Variants in ZFHX3 observed in about 807,000 individuals in gnomAD.
ZFHX3 encodes zinc finger homeobox 3, also known as zinc finger homeobox protein 3.
In ZFHX3, 42 loss-of-function variants were observed where a neutral mutation model predicts 279.1. The observed-to-expected ratio is 0.15, with a 90% CI of 0.12 to 0.19. The LOEUF is 0.19. Ranked by LOEUF, ZFHX3 falls within the 10% of genes least tolerant of loss-of-function variation. The pLI, the probability that ZFHX3 is intolerant of heterozygous loss-of-function variation, is 1.00. For missense variants in ZFHX3, 4,981 were observed against 4,754.0 expected (o/e 1.05, Z -1.40); for synonymous variants, 2,293 against 1,957.8 (o/e 1.17, Z -4.52).
intron 3 of ZFHX3, among the ~76,000 whole-genome samples, chr16:73,322,621 A>G (rs1242818336): frequency 6.6e-6 from 1 of 152,206 alleles, no homozygotes; most frequent in Non-Finnish European, 1.5e-5. Context: ...GGAGCACAGC[A>G]AACAGAAAAC....
At chr16:73,448,158 A>G (rs943545740) in intron 3 of ZFHX3, among the ~76,000 whole-genome samples, 1 of 152,242 alleles carries the variant, frequency 6.6e-6, no homozygotes. Flanking sequence ...GAATCTAGTA[A>G]GAAACTTCTT....
At chr16:72,911,547 T>G (rs1237689866) in intron 3 of ZFHX3, among the ~76,000 whole-genome samples, 1 of 152,184 alleles carries the variant, frequency 6.6e-6, no homozygotes, top group Non-Finnish European at 1.5e-5. Context: ...CGGGGAAGGT[T>G]TGGAAACGGC....
chr16:73,682,906 G>GAAAAGAAAGAAAGAAAGAGAA (rs1323501382), intron 1 of ZFHX3, among the ~76,000 whole-genome samples: 2 of 28,704 alleles, frequency 7.0e-5, no homozygotes, highest in Non-Finnish European at 1.9e-4. Flanking sequence ...AAGAAAGAAA[G>GAAAAGAAAGAAAGAAAGAGAA]AGAAAGAAAG....
intron 5 of ZFHX3, among the ~76,000 whole-genome samples, chr16:72,828,790 C>T (rs886710427): frequency 3.3e-5 from 5 of 152,018 alleles, no homozygotes; most frequent in Admixed American, 1.3e-4. Context: ...GCAGCTTCGA[C>T]CTCCCTGGCT....
intron 3 of ZFHX3, among the ~76,000 whole-genome samples, chr16:73,386,471 A>C (rs1304885499): frequency 1.3e-5 from 2 of 152,198 alleles, no homozygotes; most frequent in Non-Finnish European, 2.9e-5. Flanking sequence ...TAAGGCATAT[A>C]GTGGTTACGT....
At chr16:73,199,333 G>C (rs938268578) in intron 5 of ZFHX3, among the ~76,000 whole-genome samples, 1 of 152,210 alleles carries the variant, frequency 6.6e-6, no homozygotes, top group Non-Finnish European at 1.5e-5. Flanking sequence ...TATTGCTTTA[G>C]TGGGATAAAA....
At chr16:73,888,644 G>T (rs1032309852) in intron 1 of ZFHX3, among the ~76,000 whole-genome samples, 2 of 152,138 alleles carry the variant, frequency 1.3e-5, no homozygotes, top group African/African-American at 2.4e-5. Context: ...GGAGGGAAAA[G>T]AAAAATGTTT....
At chr16:73,606,025 T>C (rs1397229464) in intron 2 of ZFHX3, among the ~76,000 whole-genome samples, 1 of 150,414 alleles carries the variant, frequency 6.6e-6, no homozygotes, top group Non-Finnish European at 1.5e-5. Context: ...CTACTAAAAA[T>C]ACAAAAAATT....
chr16:73,278,357 G>A (rs1235966774), intron 4 of ZFHX3, among the ~76,000 whole-genome samples: 1 of 152,166 alleles, frequency 6.6e-6, no homozygotes. Flanking sequence ...TGTAACGATG[G>A]AGGAAGAAAG....
At chr16:73,862,378 T>G (rs189400613) in intron 1 of ZFHX3, among the ~76,000 whole-genome samples, 1 of 152,236 alleles carries the variant, frequency 6.6e-6, no homozygotes, top group Admixed American at 6.5e-5. Context: ...AGTTCTTGGT[T>G]ACATGCTTGA....
chr16:73,711,370 A>G (rs1597077097), intron 1 of ZFHX3, among the ~76,000 whole-genome samples: 2 of 152,252 alleles, frequency 1.3e-5, no homozygotes, highest in South Asian at 2.1e-4. Context: ...TGGGACTCCC[A>G]TAGTAATATT....
At chr16:73,018,633 A>C (rs1964189635) in intron 1 of ZFHX3, among the ~76,000 whole-genome samples, 1 of 152,000 alleles carries the variant, frequency 6.6e-6, no homozygotes, top group Non-Finnish European at 1.5e-5. Flanking sequence ...CTAAATAATA[A>C]ATGGCAAGAA....
At chr16:73,115,823 T>C (rs1427211549) in intron 7 of ZFHX3, among the ~76,000 whole-genome samples, 1 of 151,882 alleles carries the variant, frequency 6.6e-6, no homozygotes, top group Non-Finnish European at 1.5e-5. Flanking sequence ...TGCCTGGTTC[T>C]AAAAGGTTGC....
chr16:73,306,421 G>A (rs1407224105), intron 4 of ZFHX3, among the ~76,000 whole-genome samples: 1 of 152,190 alleles, frequency 6.6e-6, no homozygotes, highest in Admixed American at 6.5e-5. Flanking sequence ...CCAGGTTCAA[G>A]CAATTCTCCT....
chr16:73,558,587 T>A (rs2020321270), intron 2 of ZFHX3: 2 of 151,950 alleles, frequency 1.3e-5, no homozygotes, highest in Non-Finnish European at 2.9e-5. Context: ...TTAAGCAGTA[T>A]CAGCACGGCA....
chr16:73,055,698 G>GCGCGCA (rs869144632), intron 1 of ZFHX3, among the ~76,000 whole-genome samples: 7 of 109,490 alleles, frequency 6.4e-5, no homozygotes, highest in African/African-American at 2.1e-4. Context: ...GCGCGCGCGC[G>GCGCGCA]CACACACACA....
chr16:73,741,851 A>G (rs2053660728), intron 1 of ZFHX3, among the ~76,000 whole-genome samples: 1 of 152,242 alleles, frequency 6.6e-6, no homozygotes, highest in South Asian at 2.1e-4. Flanking sequence ...GTTGAATGCA[A>G]AACAGAATGT....
chr16:73,055,130 T>TC (rs951088416), intron 1 of ZFHX3, among the ~76,000 whole-genome samples: 176 of 145,124 alleles, frequency 1.2e-3, no homozygotes, highest in African/African-American at 4.3e-3. Context: ...TTTCTCTCTC[T>TC]TTTTTTTTTT....
intron 7 of ZFHX3, among the ~76,000 whole-genome samples, chr16:72,803,081 C>A (rs1458778875): frequency 6.6e-6 from 1 of 152,172 alleles, no homozygotes; most frequent in Admixed American, 6.5e-5. Context: ...CCTGTAATCC[C>A]AGCACTTTGG....
Sources: gnomAD v4.1 joint callset for allele counts (sites outside exome capture counted in the v4.1 genomes callset) on GRCh38, gnomAD v4.1.1 for gene constraint, MANE v1.5 for transcripts, NCBI Gene and HGNC (gene_info 2026-07-23, HGNC 2026-07-21) for gene names.